The following SPDYE17 variants were observed in gnomAD, a reference collection of about 807,000 sequenced individuals.
SPDYE17 encodes speedy protein E17.
For synonymous variants in SPDYE17, 4 were observed against 14.8 expected (o/e 0.27, Z 1.68); for missense variants, 7 against 38.0 (o/e 0.18, Z 2.15).
At chr7:77,032,207 T>C in intron 1 of SPDYE17, among the ~76,000 whole-genome samples, 33 bp downstream of exon 1, 1 of 87,340 alleles carries the variant, frequency 1.1e-5, no homozygotes, top group Admixed American at 1.4e-4. Context: ...CAAAACTACA[T>C]CTCAAAAAAA....
In SPDYE17 at chr7:77,029,284, G is replaced by A; in HGVS notation, c.298C>T (p.Arg100Ter). Residue 100 changes from arginine (R) to a stop codon, truncating the protein, a stop_gained, in exon 3 of 8, where the codon CGA (arginine) becomes TGA (stop). Coordinates refer to ENST00000671986, the MANE Select transcript of SPDYE17 (RefSeq NM_001351351.3). LOFTEE classifies it high-confidence loss of function. ...CGLKMKAKRR[R>*]VSLVLPEYYE... The stretch of plus-strand genomic sequence containing the variant: ...TACTCAGGGAGCACGAGCGACACTC[G>A]CCGTCGCTTCGCCTTCATCTTGAGG... 1.1e-5 allele frequency: 1 copy of A among 93,886 alleles called. No homozygotes were observed. Among genetic ancestry groups the A allele is most frequent in the Non-Finnish European group, 1.6e-5 (1 of 61,292 alleles). 5.8% of individuals were successfully genotyped at this position (93,886 alleles called of 1,614,324 possible).
At chr7:77,026,548 T>TG (rs1789436279) in intron 5 of SPDYE17, among the ~76,000 whole-genome samples, 1 of 150,212 alleles carries the variant, frequency 6.7e-6, no homozygotes, top group Non-Finnish European at 1.5e-5. Context: ...GCGGTTGATG[T>TG]GGGAAGGAGA....
At chr7:77,025,707 C>T (rs1177923477) in intron 5 of SPDYE17, 1 of 128,288 alleles carries the variant, frequency 7.8e-6, no homozygotes, top group Non-Finnish European at 1.6e-5. Context: ...TTGGGCCCCT[C>T]CATTCCAGCC....
rs563826140 is a variant in SPDYE17 at position 77,023,687 on chromosome 7, A to C, written c.*146T>G. The stretch of plus-strand genomic sequence containing the variant: ...TCAAGAATGGTCCAGGTTCTTCTAG[A>C]TGATCTGCACAAATGGTTCCTCTCC... On this transcript the variant is annotated 3_prime_UTR_variant, in exon 8 of 8. Coordinates refer to ENST00000671986, the MANE Select transcript of SPDYE17 (RefSeq NM_001351351.3). The C allele has an allele frequency of 3.7e-6, 2 of 541,326 alleles. 1 individual carries two copies. Among genetic ancestry groups the C allele is most frequent in the East Asian group, 5.3e-4 (2 of 3,754 alleles). 33.5% of individuals were successfully genotyped at this position (541,326 alleles called of 1,614,324 possible). A position where few individuals can be genotyped will look rare whatever the true frequency, so the allele number is the denominator to read the frequency against.
chr7:77,028,000 AAAAAAC>A lies in SPDYE17; in HGVS notation c.408+136_408+141del, dbSNP rs1184587618. 6.7e-5 allele frequency: 45 copies of A among 666,752 alleles called. 5 individuals are homozygous for A. Among genetic ancestry groups the A allele is most frequent in the Non-Finnish European group, 8.9e-5 (40 of 448,532 alleles). 41.3% of individuals were successfully genotyped at this position (666,752 alleles called of 1,614,324 possible). A position where few individuals can be genotyped will look rare whatever the true frequency, so the allele number is the denominator to read the frequency against. On this transcript the variant is annotated intron_variant, in intron 4 of 7. Coordinates refer to ENST00000671986, the MANE Select transcript of SPDYE17 (RefSeq NM_001351351.3). ...ACAGAGCAAGACTGTGTCTCACAAA[AAAAAAC>A]AAAAACAAAAACAAAAAAAAACTGT...
chr7:77,032,295 C>G lies in SPDYE17; in HGVS notation c.-509G>C, dbSNP rs932430928. On this transcript the variant is annotated 5_prime_UTR_variant, in exon 1 of 8. Transcript: ENST00000671986. ...CGGGCTGCGGCTCTCCTAGGAGTCT[C>G]TCGCTCATGGGAAAGGCACAAACTG... Among the ~76,000 whole-genome samples the G allele has an allele frequency of 3.8e-5, 5 of 130,090 alleles. 1 individual carries two copies. The highest frequency in any genetic ancestry group is 1.4e-4 in the African/African-American group (5 of 35,700). 85.3% of individuals were successfully genotyped at this position (130,090 alleles called of 152,430 possible).
intron 1 of SPDYE17, among the ~76,000 whole-genome samples, chr7:77,032,004 T>G (rs1583958000): frequency 3.9e-5 from 2 of 51,314 alleles, no homozygotes; most frequent in Non-Finnish European, 6.4e-5. Flanking sequence ...AGGTCAGGAG[T>G]TTAAGAGCAG....
In SPDYE17 at chr7:77,027,878, C is replaced by T. The variant is rs1789458282; in HGVS notation, c.408+264G>A. Among the ~76,000 whole-genome samples, 2 of 131,186 alleles carry T rather than the reference C, an allele frequency of 1.5e-5. 1 individual carries two copies. The highest frequency in any genetic ancestry group is 3.2e-5 in the Non-Finnish European group (2 of 62,614). 86.1% of individuals were successfully genotyped at this position (131,186 alleles called of 152,430 possible). A position where few individuals can be genotyped will look rare whatever the true frequency, so the allele number is the denominator to read the frequency against. Reference sequence around the variant, plus strand: ...AGGCATGGTGGTTCATGTTTGTAATCCCAGCTGCTTGGAGGCTGAGGTGGG... The same window carrying T: ...AGGCATGGTGGTTCATGTTTGTAATTCCAGCTGCTTGGAGGCTGAGGTGGG... On this transcript the variant is annotated intron_variant, in intron 4 of 7. Transcript: ENST00000671986.
intron 5 of SPDYE17, among the ~76,000 whole-genome samples, chr7:77,025,928 CAAAA>C (rs1220547814): frequency 7.6e-6 from 1 of 131,852 alleles, no homozygotes; most frequent in Non-Finnish European, 1.6e-5. Flanking sequence ...AAGTCTGTCT[CAAAA>C]AAAAAAAAGC....
intron 4 of SPDYE17, among the ~76,000 whole-genome samples, 166 bp downstream of exon 4, chr7:77,027,974 AAC>A (rs1789460623): frequency 7.6e-6 from 1 of 132,034 alleles, no homozygotes; most frequent in African/African-American, 2.7e-5. Context: ...CAGCCTGGGC[AAC>A]AGAGCAAGAC....
intron 5 of SPDYE17, chr7:77,025,313 C>T (rs1240357908): frequency 5.3e-5 from 2 of 37,444 alleles, no homozygotes; most frequent in Admixed American, 5.2e-4. Context: ...AGGATGGAGA[C>T]AAAAACCCAA....
chr7:77,028,001 A>T (rs1246430473), intron 4 of SPDYE17, 141 bp downstream of exon 4: 1 of 639,110 alleles, frequency 1.6e-6, no homozygotes, highest in Non-Finnish European at 2.4e-6. Flanking sequence ...TCTCACAAAA[A>T]AAAACAAAAA....
intron 1 of SPDYE17, among the ~76,000 whole-genome samples, chr7:77,031,691 CAAAACAA>C (rs1199893429): frequency 1.5e-4 from 1 of 6,692 alleles, no homozygotes; most frequent in African/African-American, 2.3e-3. Flanking sequence ...CAAAACAAAA[CAAAACAA>C]AAAATTAGCC....
chr7:77,031,859 A>T (rs1486925656), intron 1 of SPDYE17, among the ~76,000 whole-genome samples: 4 of 51,274 alleles, frequency 7.8e-5, no homozygotes, highest in Non-Finnish European at 1.2e-4. Flanking sequence ...GTGTCAAAAA[A>T]TTTTTTTAAA....
At chr7:77,029,881 A>G (rs1293570242) in intron 2 of SPDYE17, among the ~76,000 whole-genome samples, 1 of 124,780 alleles carries the variant, frequency 8.0e-6, no homozygotes, top group African/African-American at 2.9e-5. Flanking sequence ...TCAATTTTGT[A>G]CTTTTAATAG....
intron 5 of SPDYE17, among the ~76,000 whole-genome samples, chr7:77,026,159 G>A (rs200038578): frequency 6.5e-4 from 85 of 130,956 alleles, no homozygotes; most frequent in Admixed American, 2.9e-3. Context: ...TCCCTTCAGA[G>A]CCACATGTGT....
intron 5 of SPDYE17, among the ~76,000 whole-genome samples, chr7:77,026,506 T>A (rs1240468212): frequency 6.7e-6 from 1 of 150,092 alleles, no homozygotes; most frequent in Admixed American, 6.8e-5. Context: ...GTGACCTCTG[T>A]CACGGGAACC....
intron 5 of SPDYE17, among the ~76,000 whole-genome samples, chr7:77,025,952 C>T (rs1789425488): frequency 7.1e-6 from 1 of 140,822 alleles, no homozygotes; most frequent in Admixed American, 7.7e-5. Context: ...CAATTGAATA[C>T]ACTGATATTT....
At chr7:77,026,590 G>C (rs1429461360) in intron 5 of SPDYE17, among the ~76,000 whole-genome samples, 1 of 149,138 alleles carries the variant, frequency 6.7e-6, no homozygotes, top group Non-Finnish European at 1.5e-5. Flanking sequence ...TCTGCTTGCT[G>C]GGGGAAGTGT....
Sources: gnomAD v4.1 joint callset for allele counts (sites outside exome capture counted in the v4.1 genomes callset) on GRCh38, gnomAD v4.1.1 for gene constraint, MANE v1.5 for transcripts, NCBI Gene and HGNC (gene_info 2026-07-23, HGNC 2026-07-21) for gene names.